The following RELN variants were observed in gnomAD, a reference collection of about 807,000 sequenced individuals.
RELN encodes reelin.
RELN carries 108 observed loss-of-function variants against 427.6 expected under a neutral mutation model. That is an observed-to-expected ratio of 0.25 (90% CI 0.22 to 0.30). The LOEUF is 0.30. Among genes scored for constraint, RELN ranks in the 10% least tolerant of loss-of-function variants. The pLI, the probability that RELN is intolerant of heterozygous loss-of-function variation, is 1.00. For missense variants in RELN, 3,715 were observed against 4,302.8 expected, an observed-to-expected ratio of 0.86 and a Z score of 3.82; for synonymous variants, 1,524 against 1,513.4, an observed-to-expected ratio of 1.01 and a Z score of -0.16.
chr7:103,638,311 C>T (rs2117356401), intron 17 of RELN, among the ~76,000 whole-genome samples: 1 of 152,268 alleles, frequency 6.6e-6, no homozygotes, highest in African/African-American at 2.4e-5. Flanking sequence ...TCTGTCTCCT[C>T]ATTAGCATCT....
chr7:103,839,302 G>GTTTTTTTT (rs1793492405), intron 2 of RELN, among the ~76,000 whole-genome samples: 3 of 75,040 alleles, frequency 4.0e-5, no homozygotes, highest in African/African-American at 1.5e-4. Context: ...AGTGGTCTTT[G>GTTTTTTTT]CTTTTTTTTT....
intron 28 of RELN, among the ~76,000 whole-genome samples, chr7:103,584,579 C>T (rs1362982397): frequency 6.6e-6 from 1 of 152,060 alleles, no homozygotes; most frequent in Non-Finnish European, 1.5e-5. Context: ...TACTGCTAGG[C>T]CTAAGAAAAA....
intron 52 of RELN, among the ~76,000 whole-genome samples, chr7:103,502,477 G>T (rs1270588014): frequency 6.6e-6 from 1 of 152,200 alleles, no homozygotes; most frequent in African/African-American, 2.4e-5. Context: ...AGACTTTGCA[G>T]AGCAAGGTTT....
chr7:103,907,827 AC>A (rs1795250279), intron 2 of RELN, among the ~76,000 whole-genome samples: 1 of 151,804 alleles, frequency 6.6e-6, no homozygotes, highest in African/African-American at 2.4e-5. Context: ...GGATACATGT[AC>A]AGAACATGCA....
At chr7:103,848,396 T>C (rs1264233061) in intron 2 of RELN, among the ~76,000 whole-genome samples, 1 of 152,182 alleles carries the variant, frequency 6.6e-6, no homozygotes, top group African/African-American at 2.4e-5. Flanking sequence ...ACATATAGCT[T>C]TTCTGGGAGG....
At chr7:103,475,272 T>G (rs973911030) in intron 64 of RELN, among the ~76,000 whole-genome samples, 1 of 152,116 alleles carries the variant, frequency 6.6e-6, no homozygotes, top group Admixed American at 6.6e-5. Context: ...TGAAGGAGTT[T>G]GTGTTCATAT....
chr7:103,729,861 A>G (rs1790308481), intron 6 of RELN, among the ~76,000 whole-genome samples: 1 of 152,152 alleles, frequency 6.6e-6, no homozygotes, highest in Non-Finnish European at 1.5e-5. Flanking sequence ...ATTATTGCTA[A>G]GAATTTCTCA....
At chr7:103,584,858 G>C (rs1020174969) in intron 28 of RELN, among the ~76,000 whole-genome samples, 1 of 152,132 alleles carries the variant, frequency 6.6e-6, no homozygotes, top group Non-Finnish European at 1.5e-5. Context: ...ATTATAGTAA[G>C]TATCTTCTTA....
chr7:103,888,593 A>G (rs2299395), intron 2 of RELN, among the ~76,000 whole-genome samples: 10,527 of 152,258 alleles, frequency 0.069, 741 homozygotes, highest in East Asian at 0.39. Flanking sequence ...GATGGCCTCA[A>G]AATCTAGTAA....
At chr7:103,509,862 T>C (rs978176589) in intron 51 of RELN, among the ~76,000 whole-genome samples, 6 of 151,734 alleles carry the variant, frequency 4.0e-5, no homozygotes, top group Admixed American at 3.9e-4. Context: ...AAAGAAGACA[T>C]TTATGTGGCC....
intron 2 of RELN, among the ~76,000 whole-genome samples, chr7:103,870,093 A>G (rs1794293981): frequency 6.6e-6 from 1 of 151,936 alleles, no homozygotes; most frequent in South Asian, 2.1e-4. Context: ...TTTTTTTATT[A>G]CAGTTTATTT....
chr7:103,765,609 T>C (rs1424113336), intron 4 of RELN, among the ~76,000 whole-genome samples: 1 of 152,196 alleles, frequency 6.6e-6, no homozygotes, highest in African/African-American at 2.4e-5. Flanking sequence ...ATTTCACAAG[T>C]CAAACAAAAT....
intron 2 of RELN, among the ~76,000 whole-genome samples, chr7:103,870,052 T>C (rs1222481743): frequency 1.3e-5 from 2 of 152,264 alleles, no homozygotes; most frequent in East Asian, 1.9e-4. Context: ...TTCCAGCTTT[T>C]GCACTTTGCA....
At chr7:103,531,871 T>C (rs762342373) in intron 46 of RELN, among the ~76,000 whole-genome samples, 1 of 152,156 alleles carries the variant, frequency 6.6e-6, no homozygotes, top group Non-Finnish European at 1.5e-5. Flanking sequence ...GTTCAACCAT[T>C]GTGGAAGACA....
At position 103,610,223 on chromosome 7, in the gene RELN, G is replaced by A. The variant is rs113210877; in HGVS notation, c.3008+472C>T. Among the ~76,000 whole-genome samples the A allele has an allele frequency of 1.8e-4, 28 of 152,180 alleles. 1 individual carries two copies. The highest frequency in any genetic ancestry group is 6.3e-4 in the African/African-American group (26 of 41,538). On this transcript the variant is annotated intron_variant, in intron 22 of 64. Transcript: ENST00000428762. ...TTCTTCCTAGTTTACTGAAGCCTCT[G>A]TTTCCTGGGGGATAATTTTTAGTGT...
At chr7:103,879,323 A>G (rs1794554447) in intron 2 of RELN, among the ~76,000 whole-genome samples, 1 of 152,196 alleles carries the variant, frequency 6.6e-6, no homozygotes, top group South Asian at 2.1e-4. Flanking sequence ...AACCTTAATC[A>G]TATTGCTACT....
chr7:103,490,907 G>A, intron 58 of RELN, 78 bp from the exon 59 acceptor site: 4 of 1,432,978 alleles, frequency 2.8e-6, no homozygotes, highest in Admixed American at 1.8e-5. Context: ...AATGCTTTGT[G>A]ATCGGGTTAA....
rs537902084 is a variant in RELN, at chr7:103,913,421, A to G, written c.337+3654T>C. On this transcript the variant is annotated intron_variant, in intron 2 of 64. Coordinates refer to ENST00000428762, the MANE Select transcript of RELN (RefSeq NM_005045.4). Reference sequence around the variant, plus strand: ...GTGATATGTTGGGGAAATGCCAAATAAACCACATTTGCTTAACATTCCATC... The same window carrying G: ...GTGATATGTTGGGGAAATGCCAAATGAACCACATTTGCTTAACATTCCATC... 3.3e-5 allele frequency among the ~76,000 whole-genome samples: 5 copies of G among 152,324 alleles called. No individual in the cohort carries two copies. In the East Asian group the frequency reaches 9.6e-4, roughly 29 times the overall value.
chr7:103,682,657 A>G (rs1833680650), intron 10 of RELN, among the ~76,000 whole-genome samples: 1 of 152,200 alleles, frequency 6.6e-6, no homozygotes, highest in Non-Finnish European at 1.5e-5. Flanking sequence ...TATTCCATAT[A>G]TTTCTTACTT....
Sources: gnomAD v4.1 joint callset for allele counts (sites outside exome capture counted in the v4.1 genomes callset) on GRCh38, gnomAD v4.1.1 for gene constraint, MANE v1.5 for transcripts, NCBI Gene and HGNC (gene_info 2026-07-23, HGNC 2026-07-21) for gene names.